NWD1: variants seen among roughly 807,000 people sequenced by gnomAD.
NWD1 encodes the protein NACHT and WD repeat domain containing 1.
In NWD1, 129 loss-of-function variants were observed where a neutral mutation model predicts 135.1. The ratio of observed to expected loss-of-function variants is 0.96; its 90% CI spans 0.83 to 1.11. The LOEUF (loss-of-function observed/expected upper bound fraction) is 1.11, where lower values mean the gene tolerates loss of function less well. Ranked by LOEUF, NWD1 falls within the 50% of genes least tolerant of loss-of-function variation. NWD1 has a pLI of 0.00. For synonymous variants in NWD1, 773 were observed against 786.0 expected, an observed-to-expected ratio of 0.98 and a Z score of 0.28; for missense variants, 1,740 against 1,851.3, an observed-to-expected ratio of 0.94 and a Z score of 1.10.
At chr19:16,774,374 A>T (rs1247156937) in intron 11 of NWD1, among the ~76,000 whole-genome samples, 1 of 149,702 alleles carries the variant, frequency 6.7e-6, no homozygotes, top group African/African-American at 2.5e-5. Flanking sequence ...CCATCCATCT[A>T]CCCACCCTGC....
At chr19:16,771,690 G>T (rs543449765) in intron 10 of NWD1, among the ~76,000 whole-genome samples, 47 of 152,226 alleles carry the variant, frequency 3.1e-4, no homozygotes, top group Middle Eastern at 3.4e-3. Context: ...GGCTCCCCCA[G>T]CACAAGGAGG....
In NWD1 at chr19:16,743,019, TCTC is replaced by T. The variant is rs1968150779; in HGVS notation, c.199-1399_199-1397del. On this transcript the variant is annotated intron_variant, in intron 4 of 18. Coordinates refer to ENST00000524140, the MANE Select transcript of NWD1 (RefSeq NM_001007525.5). Reference sequence around the variant, plus strand: ...CCTTCGCCTCCCGGCTTCAAGCAAGTCTCCTGCCTCAGCCTCCCTAGTAGCTGG... The same window carrying T: ...CCTTCGCCTCCCGGCTTCAAGCAAGTCTGCCTCAGCCTCCCTAGTAGCTGG... Among the ~76,000 whole-genome samples the T allele has an allele frequency of 3.3e-5, 5 of 150,854 alleles. No homozygotes were observed. The Admixed American group carries it at 3.3e-4, about 10-fold the overall frequency.
chr19:16,810,032 G>T (rs1162852717), intron 18 of NWD1, among the ~76,000 whole-genome samples: 1 of 152,074 alleles, frequency 6.6e-6, no homozygotes, highest in Non-Finnish European at 1.5e-5. Context: ...GCTCTGTCTG[G>T]GCAAAAGGAT....
intron 17 of NWD1, among the ~76,000 whole-genome samples, chr19:16,805,518 G>C (rs1255103936): frequency 6.6e-6 from 1 of 151,942 alleles, no homozygotes; most frequent in Non-Finnish European, 1.5e-5. Context: ...TTTTGCAGAG[G>C]CAGGGGTCTC....
In NWD1 at chr19:16,807,587, C is replaced by T. The variant is rs113245603; in HGVS notation, c.3738C>T (p.Gly1246=). The T allele has an allele frequency of 4.9e-5, 74 of 1,519,154 alleles. No homozygotes were observed. The highest frequency in any genetic ancestry group is 2.0e-4 in the African/African-American group (14 of 71,776). 94.1% of individuals were successfully genotyped at this position (1,519,154 alleles called of 1,614,324 possible). ...NKVTIWDLAE[G]EEQDSLDTSS... ...ATTCTCATTTTTCTTCCCTGGCAGG[C>T]GAGGAACAAGATTCCCTGGACACCT... is the stretch of plus-strand genomic sequence containing the variant. The change falls in exon 18 of 19, where the codon GGC becomes GGT. Residue 1246 remains glycine, a splice_region_variant and synonymous_variant. Coordinates refer to ENST00000524140, the MANE Select transcript of NWD1 (RefSeq NM_001007525.5).
chr19:16,815,168 G>A lies in NWD1; in HGVS notation c.*129G>A. 1 of 974,648 alleles carries A rather than the reference G, an allele frequency of 1.0e-6. No individual in the cohort carries two copies. The highest frequency in any genetic ancestry group is 1.7e-6 in the Non-Finnish European group (1 of 595,406). The allele number at this position is 974,648 out of a possible 1,614,324, so 60.4% of individuals were successfully genotyped here. On this transcript the variant is annotated 3_prime_UTR_variant, in exon 19 of 19. Coordinates refer to ENST00000524140, the MANE Select transcript of NWD1 (RefSeq NM_001007525.5). ...CCTTTCAGCAAAAGCCTCACCGCAG[G>A]ACCCTCTTAAGAACTTCAAGAAGGC... is the stretch of plus-strand genomic sequence containing the variant.
At chr19:16,740,303 GA>G (rs769955665) in intron 4 of NWD1, among the ~76,000 whole-genome samples, 1 of 151,562 alleles carries the variant, frequency 6.6e-6, no homozygotes, top group Non-Finnish European at 1.5e-5. Flanking sequence ...TGTCTCTTAA[GA>G]AAAAAAGAAG....
At chr19:16,720,715 G>C (rs540681981) in intron 1 of NWD1, among the ~76,000 whole-genome samples, 1 of 151,934 alleles carries the variant, frequency 6.6e-6, no homozygotes, top group Admixed American at 6.6e-5. Context: ...CCACATGCCC[G>C]GCTAATTTTT....
At chr19:16,725,705 A>G (rs1396739747) in intron 2 of NWD1, among the ~76,000 whole-genome samples, 1 of 151,706 alleles carries the variant, frequency 6.6e-6, no homozygotes, top group Non-Finnish European at 1.5e-5. Flanking sequence ...GGGGCTCAGG[A>G]CCATGCCTGG....
intron 4 of NWD1, among the ~76,000 whole-genome samples, chr19:16,741,722 C>T (rs1037168349): frequency 2.6e-5 from 4 of 152,000 alleles, no homozygotes; most frequent in African/African-American, 4.8e-5. Flanking sequence ...CCCCAGGCTA[C>T]GTACGACCCA....
At position 16,749,881 on chromosome 19, in the gene NWD1, G is replaced by T. The variant is rs1568350641; in HGVS notation, c.1239G>T (p.Val413=). ...AGGTTCTGGACGCCCACACCAGGGT[G>T]GTCCAGTTTTTCCATACCCTCCTCC... ...PAQVLDAHTR[V]VQFFHTLLHT... is the part of the protein sequence containing the mutation. The change falls in exon 6 of 19, where the codon GTG becomes GTT. Residue 413 remains valine, a synonymous_variant. Transcript: ENST00000524140. 1 of 1,613,460 alleles carries T rather than the reference G, an allele frequency of 6.2e-7. No homozygotes were observed. The highest frequency in any genetic ancestry group is 8.5e-7 in the Non-Finnish European group (1 of 1,179,980).
At chr19:16,754,452 C>A (rs1485688375) in intron 6 of NWD1, among the ~76,000 whole-genome samples, 1 of 148,688 alleles carries the variant, frequency 6.7e-6, no homozygotes, top group Non-Finnish European at 1.5e-5. Context: ...TCCCATCCAT[C>A]ATCTCTATTT....
At chr19:16,768,458 A>C (rs1969305423) in intron 10 of NWD1, among the ~76,000 whole-genome samples, 2 of 152,200 alleles carry the variant, frequency 1.3e-5, no homozygotes, top group Admixed American at 6.5e-5. Flanking sequence ...ACTAGATCAC[A>C]TGGAAATTTT....
chr19:16,794,565 C>T lies in NWD1; in HGVS notation c.3304+12C>T. 6.4e-7 allele frequency: 1 copy of T among 1,565,534 alleles called. No individual in the cohort carries two copies. Among genetic ancestry groups the T allele is most frequent in the Non-Finnish European group, 8.7e-7 (1 of 1,143,068 alleles). Reference sequence around the variant, plus strand: ...CCTCCTCGCCGCAGGTAGCGTTTAGCTCTCATTTGGAGTAGTGAGGAAGCT... The same window carrying T: ...CCTCCTCGCCGCAGGTAGCGTTTAGTTCTCATTTGGAGTAGTGAGGAAGCT... On this transcript the variant is annotated intron_variant, in intron 15 of 18. Coordinates refer to ENST00000524140, the MANE Select transcript of NWD1 (RefSeq NM_001007525.5).
At chr19:16,796,122 T>C (rs1480601914) in intron 15 of NWD1, among the ~76,000 whole-genome samples, 1 of 152,014 alleles carries the variant, frequency 6.6e-6, no homozygotes, top group African/African-American at 2.4e-5. Flanking sequence ...GTAGGTAGTA[T>C]TGGAAAACGT....
rs547424504 is a variant in NWD1 at position 16,781,806 on chromosome 19, A to G, written c.2731+2341A>G. Among the ~76,000 whole-genome samples the G allele has an allele frequency of 2.5e-3, 376 of 152,046 alleles. 3 individuals carry two copies. The highest frequency in any genetic ancestry group is 0.013 in the South Asian group (62 of 4,810). ...GAAAATTAGCTTTAGAAAGAATCTA[A>G]TCTAGGCCAGGTGCAGTGGCTCACG... On this transcript the variant is annotated intron_variant, in intron 12 of 18. Coordinates refer to ENST00000524140, the MANE Select transcript of NWD1 (RefSeq NM_001007525.5).
chr19:16,766,016 C>CAAA (rs35265751), intron 10 of NWD1, among the ~76,000 whole-genome samples: 32 of 91,716 alleles, frequency 3.5e-4, no homozygotes, highest in Non-Finnish European at 5.6e-4. Flanking sequence ...GACTCCGTCT[C>CAAA]AAAAAAAAAA....
intron 17 of NWD1, among the ~76,000 whole-genome samples, chr19:16,802,714 C>A (rs1383449304): frequency 6.6e-6 from 1 of 151,872 alleles, no homozygotes; most frequent in Non-Finnish European, 1.5e-5. Flanking sequence ...TAAAGACATA[C>A]CTGAGGCCGG....
intron 14 of NWD1, among the ~76,000 whole-genome samples, chr19:16,793,067 A>AAAAAG (rs1463522440): frequency 6.6e-6 from 1 of 151,782 alleles, no homozygotes. Context: ...AAATAAAAAA[A>AAAAAG]AAAAGAAAAG....
Sources: allele counts gnomAD v4.1 joint callset (sites outside exome capture counted in the v4.1 genomes callset), GRCh38; gene constraint gnomAD v4.1.1; transcripts MANE v1.5; gene names NCBI Gene and HGNC (gene_info 2026-07-23, HGNC 2026-07-21).